Variants in KCNU1 observed in about 807,000 individuals in gnomAD.
KCNU1 encodes potassium channel subfamily U member 1.
KCNU1 carries 93 observed loss-of-function variants against 126.8 expected under a neutral mutation model. The ratio of observed to expected loss-of-function variants is 0.73; its 90% confidence interval spans 0.62 to 0.87. KCNU1 has a LOEUF of 0.87. Among genes scored for constraint, KCNU1 ranks in the 40% least tolerant of loss-of-function variants. The pLI, the probability that KCNU1 is intolerant of heterozygous loss-of-function variation, is 0.00. For synonymous variants in KCNU1, 523 were observed against 494.2 expected, an observed-to-expected ratio of 1.06 and a Z score of -0.77; for missense variants, 1,330 against 1,367.1, an observed-to-expected ratio of 0.97 and a Z score of 0.43.
chr8:36,842,680 T>C (rs772906357), intron 16 of KCNU1, among the ~76,000 whole-genome samples: 3 of 152,186 alleles, frequency 2.0e-5, no homozygotes, highest in Non-Finnish European at 2.9e-5. Context: ...TTTTTTGTTT[T>C]TGTTTTTGAG....
At chr8:36,925,291 A>G (rs953692164) in intron 24 of KCNU1, among the ~76,000 whole-genome samples, 2 of 152,200 alleles carry the variant, frequency 1.3e-5, no homozygotes, top group African/African-American at 4.8e-5. Flanking sequence ...TACTTATTTT[A>G]GGACTGGCAT....
intron 18 of KCNU1, among the ~76,000 whole-genome samples, chr8:36,861,483 C>T (rs145952768): frequency 6.1e-4 from 93 of 152,246 alleles, no homozygotes; most frequent in African/African-American, 2.1e-3. Context: ...TGAATGGATA[C>T]ATAAATAAAT....
intron 18 of KCNU1, among the ~76,000 whole-genome samples, chr8:36,855,511 G>C (rs1399980104): frequency 6.6e-6 from 1 of 152,128 alleles, no homozygotes; most frequent in Non-Finnish European, 1.5e-5. Flanking sequence ...CTAGTGCCAA[G>C]AATATGGAGT....
chr8:36,839,175 T>C (rs1375629695), intron 14 of KCNU1, among the ~76,000 whole-genome samples: 1 of 152,200 alleles, frequency 6.6e-6, no homozygotes, highest in African/African-American at 2.4e-5. Context: ...TTGTGAGAAA[T>C]TGTAGCTCGA....
intron 18 of KCNU1, among the ~76,000 whole-genome samples, chr8:36,846,733 G>A (rs1039272010): frequency 4.7e-5 from 7 of 149,498 alleles, no homozygotes; most frequent in Non-Finnish European, 1.0e-4. Flanking sequence ...CCTGGGAGGC[G>A]GAGGTTGCAG....
At chr8:36,845,747 C>T in intron 17 of KCNU1, 55 bp from the exon 18 acceptor site, 2 of 1,459,636 alleles carry the variant, frequency 1.4e-6, no homozygotes, top group Non-Finnish European at 1.9e-6. Context: ...CAGCACCATG[C>T]CTCCTTTGCA....
intron 18 of KCNU1, among the ~76,000 whole-genome samples, chr8:36,862,380 G>A (rs1347158600): frequency 6.6e-6 from 1 of 152,036 alleles, no homozygotes; most frequent in Non-Finnish European, 1.5e-5. Context: ...TTCTTTGTCT[G>A]CCTTATCTTG....
At chr8:36,799,540 A>ATTT (rs953689276) in intron 2 of KCNU1, among the ~76,000 whole-genome samples, 1 of 141,936 alleles carries the variant, frequency 7.0e-6, no homozygotes. Flanking sequence ...CCTCCCTGCC[A>ATTT]TTTTTTTTTT....
At chr8:36,852,896 T>C (rs1254970878) in intron 18 of KCNU1, among the ~76,000 whole-genome samples, 4 of 152,188 alleles carry the variant, frequency 2.6e-5, no homozygotes, top group Non-Finnish European at 5.9e-5. Flanking sequence ...TTTTTCTAAT[T>C]TTTTCTATTC....
At chr8:36,889,639 A>C (rs771215663) in intron 19 of KCNU1, among the ~76,000 whole-genome samples, 2 of 152,176 alleles carry the variant, frequency 1.3e-5, no homozygotes, top group African/African-American at 2.4e-5. Context: ...AAGTGGGACA[A>C]ATTTAAAATG....
intron 19 of KCNU1, among the ~76,000 whole-genome samples, chr8:36,877,641 A>C (rs553877654): frequency 6.6e-6 from 1 of 152,132 alleles, no homozygotes; most frequent in African/African-American, 2.4e-5. Context: ...AAATCAAGCT[A>C]CTGTCTTCTC....
At chr8:36,870,581 C>CA (rs1806066205) in intron 19 of KCNU1, among the ~76,000 whole-genome samples, 1 of 152,168 alleles carries the variant, frequency 6.6e-6, no homozygotes, top group Non-Finnish European at 1.5e-5. Flanking sequence ...AGATCGGATA[C>CA]AAATCACCGT....
rs755091990 is a variant in KCNU1 at position 36,834,785 on chromosome 8, G to T, written c.1213-1G>T. 6.9e-6 allele frequency: 11 copies of T among 1,602,714 alleles called. No homozygotes were observed. Among genetic ancestry groups the T allele is most frequent in the Admixed American group, 1.7e-5 (1 of 59,720 alleles). On this transcript the variant is annotated splice_acceptor_variant, in intron 11 of 26. Transcript: ENST00000399881. LOFTEE classifies it high-confidence loss of function. Reference sequence around the variant, plus strand: ...GGCTCCTGTCCGATCTTGAAGGGTAGGTGGAATCTGCAGAGGCATGCCTGA... The same window carrying T: ...GGCTCCTGTCCGATCTTGAAGGGTATGTGGAATCTGCAGAGGCATGCCTGA...
At chr8:36,916,264 G>GAAAGGAAGGAAGGAAGGAAACA (rs1808102692) in intron 22 of KCNU1, among the ~76,000 whole-genome samples, 1 of 148,274 alleles carries the variant, frequency 6.7e-6, no homozygotes, top group Non-Finnish European at 1.5e-5. Context: ...ACAAAGGAAG[G>GAAAGGAAGGAAGGAAGGAAACA]AAAGGAAGGA....
rs532293793 is a variant in KCNU1, at chr8:36,785,043, A to C, written c.195+438A>C. Among the ~76,000 whole-genome samples, 5 of 152,346 alleles carry C rather than the reference A, an allele frequency of 3.3e-5. No individual in the cohort carries two copies. In the South Asian group the frequency reaches 6.2e-4, roughly 19 times the overall value. ...ATAATGCATATGTACTGACGTGTAC[A>C]TTGCCTTTTGTATACCATATGAAGA... On this transcript the variant is annotated intron_variant, in intron 1 of 26. Coordinates refer to ENST00000399881, the MANE Select transcript of KCNU1 (RefSeq NM_001031836.3).
intron 18 of KCNU1, among the ~76,000 whole-genome samples, chr8:36,861,988 CTTTG>C (rs565185246): frequency 8.7e-4 from 132 of 151,970 alleles, no homozygotes; most frequent in South Asian, 3.9e-3. Context: ...CCATGGTTTT[CTTTG>C]TTTGTTTGTT....
chr8:36,925,283 C>T (rs756456647), intron 24 of KCNU1, among the ~76,000 whole-genome samples: 3 of 152,164 alleles, frequency 2.0e-5, no homozygotes, highest in South Asian at 2.1e-4. Flanking sequence ...TTGATAAGTA[C>T]TTATTTTAGG....
At chr8:36,805,605 C>T (rs529378717) in intron 4 of KCNU1, among the ~76,000 whole-genome samples, 2 of 152,254 alleles carry the variant, frequency 1.3e-5, no homozygotes, top group East Asian at 3.9e-4. Context: ...TAGCAAGTCT[C>T]TGGAGATGTC....
In KCNU1 at chr8:36,933,010, G is replaced by A. The variant is rs776548874; in HGVS notation, c.3022G>A (p.Glu1008Lys). Reference protein sequence around the residue: ...VGLYRIIDEEELNPENKRFVI... With the variant: ...VGLYRIIDEEKLNPENKRFVI... ...CTTATACCGAATAATTGATGAAGAG[G>A]AGCTCAACCCAGAAAACAAAAGGGG... Residue 1008 changes from glutamate to lysine, a missense_variant, in exon 26 of 27, where the codon GAG becomes AAG. Transcript: ENST00000399881. The A allele has an allele frequency of 6.4e-7, 1 of 1,560,634 alleles. No homozygotes were observed. The highest frequency in any genetic ancestry group is 8.7e-7 in the Non-Finnish European group (1 of 1,149,964).
Sources: gnomAD v4.1 joint callset for allele counts (sites outside exome capture counted in the v4.1 genomes callset) on GRCh38, gnomAD v4.1.1 for gene constraint, MANE v1.5 for transcripts, NCBI Gene and HGNC (gene_info 2026-07-23, HGNC 2026-07-21) for gene names.